MED12L: variants seen among roughly 807,000 people sequenced by gnomAD.
MED12L encodes mediator of RNA polymerase II transcription subunit 12-like protein.
MED12L carries 60 observed loss-of-function variants against 281.3 expected under a neutral mutation model. The observed-to-expected ratio is 0.21, with a 90% confidence interval of 0.17 to 0.26. MED12L has a LOEUF of 0.26. Ranked by LOEUF, MED12L falls within the 10% of genes least tolerant of loss-of-function variation. The pLI, the probability that MED12L is intolerant of heterozygous loss-of-function variation, is 1.00. For synonymous variants in MED12L, 974 were observed against 987.2 expected (o/e 0.99, Z 0.25); for missense variants, 2,146 against 2,680.9 (o/e 0.80, Z 4.41).
chr3:151,198,884 A>G, intron 16 of MED12L: 1 of 1,614,136 alleles, frequency 6.2e-7, no homozygotes. Flanking sequence ...TTCCTTTTTA[A>G]ACTCCATACA....
chr3:151,137,828 CTG>C (rs915894932), intron 5 of MED12L, among the ~76,000 whole-genome samples: 1 of 151,794 alleles, frequency 6.6e-6, no homozygotes, highest in African/African-American at 2.4e-5. Context: ...AAGCTTTACA[CTG>C]TGTTTCACTT....
At position 151,135,746 on chromosome 3, in the gene MED12L, G is replaced by T. The variant is rs546601762; in HGVS notation, c.556+7762G>T. Among the ~76,000 whole-genome samples the T allele has an allele frequency of 3.3e-5, 5 of 152,312 alleles. No homozygotes were observed. The South Asian group carries it at 1.0e-3, about 32-fold the overall frequency. On this transcript the variant is annotated intron_variant, in intron 5 of 44. Coordinates refer to ENST00000687756, the MANE Select transcript of MED12L (RefSeq NM_001393769.1). ...GATGCTGGCAGGAAGCAGGCTGCGG[G>T]ACTGGTGGCTCTGAGCAGCATCTGA...
rs144660643 is a variant in MED12L at position 151,148,143 on chromosome 3, C to T, written c.557-8018C>T. Reference sequence around the variant, plus strand: ...GACCATCTTAAATGTGCTTATTGGCCATTTGTTTATTATTTTTGGAGAAAT... The same window carrying T: ...GACCATCTTAAATGTGCTTATTGGCTATTTGTTTATTATTTTTGGAGAAAT... On this transcript the variant is annotated intron_variant, in intron 5 of 44. Transcript: ENST00000687756. Among the ~76,000 whole-genome samples, 3 of 152,178 alleles carry T rather than the reference C, an allele frequency of 2.0e-5. No homozygotes were observed. The East Asian group carries it at 5.8e-4, about 29-fold the overall frequency.
At chr3:151,227,298 G>A (rs554667961) in intron 16 of MED12L, among the ~76,000 whole-genome samples, 7 of 152,182 alleles carry the variant, frequency 4.6e-5, no homozygotes, top group African/African-American at 9.6e-5. Flanking sequence ...GCATAAATTC[G>A]GCCCTCTCTT....
At chr3:151,310,654 A>T (rs1179379854) in intron 16 of MED12L, among the ~76,000 whole-genome samples, 1 of 152,208 alleles carries the variant, frequency 6.6e-6, no homozygotes, top group East Asian at 1.9e-4. Context: ...GCATTTGGTG[A>T]ACTAATTTCT....
At chr3:151,393,127 G>T (rs759476760) in intron 38 of MED12L, among the ~76,000 whole-genome samples, 1 of 152,116 alleles carries the variant, frequency 6.6e-6, no homozygotes, top group Non-Finnish European at 1.5e-5. Context: ...TCATTTTAGA[G>T]GTTTCTTGTG....
At position 151,191,722 on chromosome 3, in the gene MED12L, C is replaced by T. The variant is rs1237619875; in HGVS notation, c.1968+791C>T. ...GGGAGTTTGAGACTAGCCTGACCAA[C>T]ATGGAGAAACCCTGTCTGTACCAAA... On this transcript the variant is annotated intron_variant, in intron 14 of 44. Transcript: ENST00000687756. 3.3e-5 allele frequency among the ~76,000 whole-genome samples: 5 copies of T among 152,260 alleles called. No individual in the cohort carries two copies. In the East Asian group the frequency reaches 9.7e-4, roughly 29 times the overall value.
At position 151,353,948 on chromosome 3, in the gene MED12L, C is replaced by T. The variant is rs374099244; in HGVS notation, c.2399-1173C>T. Among the ~76,000 whole-genome samples, 48 of 151,292 alleles carry T rather than the reference C, an allele frequency of 3.2e-4. 1 individual carries two copies. The highest frequency in any genetic ancestry group is 9.7e-5 in the African/African-American group (4 of 41,138). ...CGAGGTCAGGAGATCGAGACCATCC[C>T]GGCTAACACGGTGAAACCCCGTCTC... is the stretch of plus-strand genomic sequence containing the variant. On this transcript the variant is annotated intron_variant, in intron 17 of 44. Coordinates refer to ENST00000687756, the MANE Select transcript of MED12L (RefSeq NM_001393769.1).
At chr3:151,087,700 T>C (rs1413678117) in intron 2 of MED12L, among the ~76,000 whole-genome samples, 1 of 152,298 alleles carries the variant, frequency 6.6e-6, no homozygotes, top group Middle Eastern at 3.4e-3. Context: ...ATTGCTTATT[T>C]CTTTGAATGA....
intron 23 of MED12L, among the ~76,000 whole-genome samples, chr3:151,366,711 G>C (rs1755328245): frequency 6.6e-6 from 1 of 152,032 alleles, no homozygotes; most frequent in Non-Finnish European, 1.5e-5. Context: ...TCTGAATTCT[G>C]CTAATCAGGA....
chr3:151,290,391 A>G (rs1373805416), intron 16 of MED12L, among the ~76,000 whole-genome samples: 3 of 152,166 alleles, frequency 2.0e-5, no homozygotes, highest in Admixed American at 6.5e-5. Context: ...GGCTTATAAG[A>G]AAACTTCAAG....
intron 39 of MED12L, among the ~76,000 whole-genome samples, chr3:151,404,572 A>G (rs924170032): frequency 6.6e-6 from 1 of 152,256 alleles, no homozygotes; most frequent in African/African-American, 2.4e-5. Flanking sequence ...AGTAACTTCC[A>G]AACTAGGAGT....
chr3:151,378,244 C>T (rs1711574111), intron 31 of MED12L, 71 bp downstream of exon 31: 1 of 1,424,156 alleles, frequency 7.0e-7, no homozygotes, highest in Non-Finnish European at 9.4e-7. Context: ...TCCTGTAAAC[C>T]TGTGTGGTCA....
intron 16 of MED12L, among the ~76,000 whole-genome samples, chr3:151,318,106 C>T (rs1748522366): frequency 6.6e-6 from 1 of 151,664 alleles, no homozygotes; most frequent in African/African-American, 2.4e-5. Flanking sequence ...TGCTTCCTAA[C>T]CATACAAAAA....
At chr3:151,377,984 C>T in intron 30 of MED12L, 28 bp from the exon 31 acceptor site, 4 of 1,555,768 alleles carry the variant, frequency 2.6e-6, no homozygotes, top group Non-Finnish European at 2.6e-6. Context: ...GATGCTTTCT[C>T]CGGTGTAACA....
At chr3:151,338,193 C>A (rs911824376) in intron 16 of MED12L, 1 of 1,613,978 alleles carries the variant, frequency 6.2e-7, no homozygotes, top group South Asian at 1.1e-5. Context: ...TACGTATGAC[C>A]GGTACAGTTC....
intron 16 of MED12L, among the ~76,000 whole-genome samples, chr3:151,284,176 C>T (rs534551788): frequency 1.8e-4 from 27 of 152,254 alleles, no homozygotes; most frequent in Admixed American, 9.8e-4. Context: ...GGAGCATGGC[C>T]TCAGCAAGTT....
intron 16 of MED12L, among the ~76,000 whole-genome samples, chr3:151,237,212 G>C (rs937035634): frequency 2.6e-5 from 4 of 151,206 alleles, no homozygotes; most frequent in African/African-American, 4.9e-5. Flanking sequence ...CTAATTTTTT[G>C]TATTTTTAGT....
chr3:151,354,381 T>A (rs1753665801), intron 17 of MED12L, among the ~76,000 whole-genome samples: 2 of 152,154 alleles, frequency 1.3e-5, no homozygotes, highest in South Asian at 4.1e-4. Flanking sequence ...TTTATGCTAA[T>A]TTGATAAACA....
Sources: allele counts gnomAD v4.1 joint callset (sites outside exome capture counted in the v4.1 genomes callset), GRCh38; gene constraint gnomAD v4.1.1; transcripts MANE v1.5; gene names NCBI Gene and HGNC (gene_info 2026-07-23, HGNC 2026-07-21).